KCNQ4: variants seen among roughly 807,000 people sequenced by gnomAD.
The protein encoded by KCNQ4 is potassium voltage-gated channel subfamily Q member 4, also known as potassium voltage-gated channel subfamily KQT member 4.
KCNQ4 carries 31 observed loss-of-function variants against 72.6 expected under a neutral mutation model. The observed-to-expected ratio is 0.43, with a 90% CI of 0.32 to 0.58. The LOEUF is 0.58. Ranked by LOEUF, KCNQ4 falls within the 20% of genes least tolerant of loss-of-function variation. The probability of loss-of-function intolerance (pLI) is 0.08; values close to 1 mark genes in which losing one functional copy is unlikely to be tolerated. For missense variants in KCNQ4, 869 were observed against 962.6 expected, an observed-to-expected ratio of 0.90 and a Z score of 1.29; for synonymous variants, 405 against 403.7, an observed-to-expected ratio of 1.00 and a Z score of -0.04.
chr1:40,813,170 T>C (rs1647976003), intron 1 of KCNQ4, among the ~76,000 whole-genome samples: 1 of 152,204 alleles, frequency 6.6e-6, no homozygotes, highest in African/African-American at 2.4e-5. Flanking sequence ...GGCACAGACC[T>C]TGCAGGGCCT....
chr1:40,809,134 A>G (rs569475557), intron 1 of KCNQ4, among the ~76,000 whole-genome samples: 19 of 152,216 alleles, frequency 1.2e-4, no homozygotes, highest in South Asian at 6.2e-4. Context: ...GCTTTGAAAC[A>G]TGTTCTTCAC....
chr1:40,832,156 C>T (rs1002868809), intron 10 of KCNQ4, among the ~76,000 whole-genome samples: 2 of 152,214 alleles, frequency 1.3e-5, no homozygotes, highest in Non-Finnish European at 2.9e-5. Flanking sequence ...GACCAAGCCC[C>T]CTGGAAGACT....
chr1:40,797,836 G>T (rs369104642), intron 1 of KCNQ4, among the ~76,000 whole-genome samples: 1 of 152,124 alleles, frequency 6.6e-6, no homozygotes, highest in Non-Finnish European at 1.5e-5. Flanking sequence ...CTCTGGCTTG[G>T]GGGGAGATGT....
chr1:40,793,004 C>CTTTTTTTTTT (rs10549805), intron 1 of KCNQ4, among the ~76,000 whole-genome samples: 9 of 109,066 alleles, frequency 8.3e-5, no homozygotes, highest in South Asian at 3.3e-4. Context: ...TTCTTTCTTT[C>CTTTTTTTTTT]TTTTTTTTTT....
Position 40,838,860 on chromosome 1 carries a change from G to A in KCNQ4, c.*337G>A. 2.4e-6 allele frequency: 1 copy of A among 419,918 alleles called. No homozygotes were observed. Among genetic ancestry groups the A allele is most frequent in the Non-Finnish European group, 4.5e-6 (1 of 224,354 alleles). The allele number at this position is 419,918 out of a possible 1,614,324, so 26.0% of individuals were successfully genotyped here. ...CCCGGGAGTGGGAGCGGGCGCTGGG[G>A]CCCTGGGCCCTGACCCAGCTTCCAG... On this transcript the variant is annotated 3_prime_UTR_variant, in exon 14 of 14. Coordinates refer to ENST00000347132, the MANE Select transcript of KCNQ4 (RefSeq NM_004700.4).
chr1:40,821,239 C>G (rs972929583), intron 7 of KCNQ4, among the ~76,000 whole-genome samples: 33 of 152,318 alleles, frequency 2.2e-4, no homozygotes, highest in African/African-American at 7.9e-4. Flanking sequence ...ATTAATGAGA[C>G]AGCTCTGGCA....
intron 7 of KCNQ4, 109 bp downstream of exon 7, chr1:40,820,369 A>G: frequency 1.1e-6 from 1 of 925,984 alleles, no homozygotes; most frequent in South Asian, 1.4e-5. Flanking sequence ...CACCACTTTG[A>G]AGCTCAAAAG....
At chr1:40,832,097 C>G (rs1648669184) in intron 10 of KCNQ4, among the ~76,000 whole-genome samples, 1 of 152,248 alleles carries the variant, frequency 6.6e-6, no homozygotes, top group African/African-American at 2.4e-5. Context: ...AGGCAGGAGA[C>G]TGCCCCTTTC....
chr1:40,824,101 C>T lies in KCNQ4; in HGVS notation c.1135C>T (p.Leu379=). The change falls in exon 9 of 14, where the codon CTG becomes TTG. Residue 379 remains leucine (L), a synonymous_variant. Coordinates refer to ENST00000347132, the MANE Select transcript of KCNQ4 (RefSeq NM_004700.4). ...YDSILPSFRE[L]ALLFEHVQRA... is the part of the protein sequence containing the mutation. Reference sequence around the variant, plus strand: ...TGATGGTGCCCTCTCCTGCAGAGAGCTGGCCCTCTTGTTTGAGCACGTGCA... The same window carrying T: ...TGATGGTGCCCTCTCCTGCAGAGAGTTGGCCCTCTTGTTTGAGCACGTGCA... 6.4e-7 allele frequency: 1 copy of T among 1,552,358 alleles called. No individual in the cohort carries two copies.
At chr1:40,823,802 C>T (rs924287360) in intron 8 of KCNQ4, among the ~76,000 whole-genome samples, 1 of 152,210 alleles carries the variant, frequency 6.6e-6, no homozygotes, top group Non-Finnish European at 1.5e-5. Context: ...TCTGAGGAGG[C>T]ACGGCACGTT....
At position 40,831,228 on chromosome 1, in the gene KCNQ4, G is replaced by A. The variant is rs1218546411; in HGVS notation, c.1437G>A (p.Val479=). 1.2e-6 allele frequency: 2 copies of A among 1,609,640 alleles called. No individual in the cohort carries two copies. The highest frequency in any genetic ancestry group is 1.7e-6 in the Non-Finnish European group (2 of 1,178,126). Residue 479 remains valine, a synonymous_variant, in exon 10 of 14, where the codon GTG becomes GTA. Transcript: ENST00000347132. ...QVGEATSPTK[V]QKSWSFNDRT... is the part of the protein sequence containing the mutation. Reference sequence around the variant, plus strand: ...GTGAGGCCACCAGCCCCACCAAGGTGCAAAAGAGCTGGAGCTTCAATGACC... The same window carrying A: ...GTGAGGCCACCAGCCCCACCAAGGTACAAAAGAGCTGGAGCTTCAATGACC...
At chr1:40,818,012 C>A in intron 2 of KCNQ4, 152 bp from the exon 3 acceptor site, 1 of 942,066 alleles carries the variant, frequency 1.1e-6, no homozygotes, top group Non-Finnish European at 1.6e-6. Context: ...GGCCACCTGC[C>A]CTCCGGAATC....
intron 8 of KCNQ4, among the ~76,000 whole-genome samples, chr1:40,823,577 C>A (rs368306726): frequency 1.3e-5 from 2 of 152,056 alleles, no homozygotes; most frequent in East Asian, 3.9e-4. Flanking sequence ...GGGAAGATAC[C>A]CTCCTTGGCT....
At chr1:40,821,346 C>G (rs1413193459) in intron 7 of KCNQ4, among the ~76,000 whole-genome samples, 1 of 152,204 alleles carries the variant, frequency 6.6e-6, no homozygotes, top group Admixed American at 6.5e-5. Flanking sequence ...GCAGTGGCAG[C>G]CCCTTAAGGA....
At position 40,831,161 on chromosome 1, in the gene KCNQ4, C is replaced by T; in HGVS notation, c.1370C>T (p.Ala457Val). 1 of 1,611,338 alleles carries T rather than the reference C, an allele frequency of 6.2e-7. No individual in the cohort carries two copies. Among genetic ancestry groups the T allele is most frequent in the Non-Finnish European group, 8.5e-7 (1 of 1,178,934 alleles). The change falls in exon 10 of 14, where the codon GCA becomes GTA. Residue 457 changes from alanine (A) to valine (V), a missense_variant. By Grantham distance (64) the Ala-to-Val change is moderately conservative. Around this residue, in one of 5 missense-constraint regions of KCNQ4, gnomAD observed 480 missense variants for 501.9 expected, o/e 0.96. Transcript: ENST00000347132. ...ACGGGTCCTTCCAAGCAGCATCTGG[C>T]ACCTCCAACAATGCCCACCTCCCCA... ...RRTGPSKQHL[A>V]PPTMPTSPSS...
intron 1 of KCNQ4, among the ~76,000 whole-genome samples, chr1:40,795,376 C>G (rs1004573008): frequency 1.5e-4 from 23 of 151,408 alleles, no homozygotes; most frequent in Admixed American, 7.2e-4. Context: ...ATCCTCCTGC[C>G]TCAGCCTTTC....
intron 1 of KCNQ4, among the ~76,000 whole-genome samples, chr1:40,813,748 G>T (rs1043498864): frequency 6.6e-6 from 1 of 151,820 alleles, no homozygotes; most frequent in Non-Finnish European, 1.5e-5. Flanking sequence ...TTTTGTTTTT[G>T]TTTTTGTTTT....
chr1:40,801,435 A>G (rs1647572389), intron 1 of KCNQ4, among the ~76,000 whole-genome samples: 1 of 152,176 alleles, frequency 6.6e-6, no homozygotes, highest in African/African-American at 2.4e-5. Context: ...CCGCAGTTGT[A>G]TAAGAGGCTT....
intron 8 of KCNQ4, among the ~76,000 whole-genome samples, chr1:40,823,376 A>G (rs1648367786): frequency 6.6e-6 from 1 of 151,730 alleles, no homozygotes; most frequent in Non-Finnish European, 1.5e-5. Flanking sequence ...TGGGCATTCG[A>G]GAGTGGGGCA....
Sources: allele counts gnomAD v4.1 joint callset (sites outside exome capture counted in the v4.1 genomes callset), GRCh38; gene constraint gnomAD v4.1.1; regional missense constraint gnomAD v4.1.1; transcripts MANE v1.5; gene names NCBI Gene and HGNC (gene_info 2026-07-23, HGNC 2026-07-21).